Variants in TMEM144 observed in about 807,000 individuals in gnomAD.
The protein encoded by TMEM144 is transmembrane protein 144.
In TMEM144, 39 loss-of-function variants were observed where a neutral mutation model predicts 43.6. That is an observed-to-expected ratio of 0.90 (90% CI 0.69 to 1.17). The LOEUF (loss-of-function observed/expected upper bound fraction) is 1.17. Ranked by LOEUF, TMEM144 falls within the 50% of genes most tolerant of loss-of-function variation. The pLI is 0.00. For synonymous variants in TMEM144, 154 were observed against 133.6 expected, an observed-to-expected ratio of 1.15 and a Z score of -1.06; for missense variants, 417 against 411.9, an observed-to-expected ratio of 1.01 and a Z score of -0.11.
intron 12 of TMEM144, among the ~76,000 whole-genome samples, chr4:158,244,882 C>A (rs1321797053): frequency 4.6e-5 from 7 of 152,128 alleles, no homozygotes; most frequent in Non-Finnish European, 8.8e-5. Flanking sequence ...TCTCTCTCCA[C>A]CCCATCTCCA....
chr4:158,235,362 C>A, intron 7 of TMEM144, 76 bp from the exon 8 acceptor site: 1 of 1,459,168 alleles, frequency 6.9e-7, no homozygotes, highest in Non-Finnish European at 9.5e-7. Flanking sequence ...AAGAGAAAAG[C>A]ACTAGAAATA....
intron 3 of TMEM144, among the ~76,000 whole-genome samples, chr4:158,214,210 A>G (rs536532441): frequency 1.3e-5 from 2 of 152,082 alleles, no homozygotes; most frequent in Admixed American, 6.5e-5. Context: ...CTAATTTCTT[A>G]TATTTATGGT....
At chr4:158,229,100 A>C (rs1295361678) in intron 6 of TMEM144, among the ~76,000 whole-genome samples, 3 of 152,180 alleles carry the variant, frequency 2.0e-5, no homozygotes, top group Admixed American at 6.5e-5. Flanking sequence ...GGCTTAGGTC[A>C]GGCAAGCCCA....
rs372137002 is a variant in TMEM144, at chr4:158,219,397, A to T, written c.413+7A>T. On this transcript the variant is annotated splice_region_variant and intron_variant, in intron 6 of 12. Coordinates refer to ENST00000296529, the MANE Select transcript of TMEM144 (RefSeq NM_018342.5). Reference sequence around the variant, plus strand: ...CTGGGCTATCAGTAGTAAGGTACACAGTCATTTCTAGTGATTTTGCTGTTC... The same window carrying T: ...CTGGGCTATCAGTAGTAAGGTACACTGTCATTTCTAGTGATTTTGCTGTTC... The T allele has an allele frequency of 5.6e-6, 9 of 1,611,064 alleles. No homozygotes were observed. In the African/African-American group the frequency reaches 1.1e-4, roughly 19 times the overall value.
intron 6 of TMEM144, among the ~76,000 whole-genome samples, chr4:158,228,594 C>T (rs560172625): frequency 1.1e-4 from 17 of 152,170 alleles, no homozygotes; most frequent in Admixed American, 2.0e-4. Context: ...GGCATCCCAC[C>T]GGGGCAAATG....
chr4:158,212,320 C>T (rs1259294535), intron 2 of TMEM144: 6 of 168,126 alleles, frequency 3.6e-5, no homozygotes, highest in South Asian at 1.9e-4. Context: ...CAGCGTTATC[C>T]GCTAAAACTT....
chr4:158,246,455 T>A (rs1228053527), intron 12 of TMEM144, among the ~76,000 whole-genome samples: 1 of 152,222 alleles, frequency 6.6e-6, no homozygotes, highest in African/African-American at 2.4e-5. Context: ...AATATTTTGA[T>A]TTAAAATCCA....
chr4:158,238,418 T>C (rs1052786814), intron 9 of TMEM144, among the ~76,000 whole-genome samples: 3 of 152,236 alleles, frequency 2.0e-5, no homozygotes, highest in African/African-American at 7.2e-5. Context: ...ACTGAGTAGA[T>C]GCCATAATTT....
At chr4:158,235,645 G>T in intron 8 of TMEM144, 140 bp downstream of exon 8, 1 of 810,262 alleles carries the variant, frequency 1.2e-6, no homozygotes, top group Non-Finnish European at 1.8e-6. Context: ...CATGCGGCGA[G>T]GTTTTTTTGT....
intron 6 of TMEM144, among the ~76,000 whole-genome samples, chr4:158,228,231 T>G (rs1017384333): frequency 6.6e-6 from 1 of 151,304 alleles, no homozygotes; most frequent in Non-Finnish European, 1.5e-5. Flanking sequence ...AGACCAGTCC[T>G]GTCAAGTAAT....
chr4:158,213,684 A>G (rs1472234960), intron 3 of TMEM144: 1 of 152,202 alleles, frequency 6.6e-6, no homozygotes, highest in African/African-American at 2.4e-5. Flanking sequence ...GAAGGAATTG[A>G]GATTTATGGT....
At chr4:158,252,990 T>C (rs540047733) in intron 12 of TMEM144, among the ~76,000 whole-genome samples, 1 of 152,158 alleles carries the variant, frequency 6.6e-6, no homozygotes, top group South Asian at 2.1e-4. Flanking sequence ...GCACATAAAA[T>C]TCCTTCTACC....
chr4:158,247,919 A>G (rs1735973481), intron 12 of TMEM144, among the ~76,000 whole-genome samples: 1 of 150,228 alleles, frequency 6.7e-6, no homozygotes, highest in Admixed American at 6.6e-5. Flanking sequence ...ATGTAAAAAT[A>G]GGCAAAAAAA....
intron 6 of TMEM144, among the ~76,000 whole-genome samples, chr4:158,231,432 G>A (rs1220662628): frequency 3.3e-5 from 5 of 152,104 alleles, no homozygotes; most frequent in African/African-American, 4.8e-5. Flanking sequence ...GCCGTAATTT[G>A]GGGTATCATT....
At chr4:158,213,510 C>A (rs962645049) in intron 3 of TMEM144, 1 of 152,200 alleles carries the variant, frequency 6.6e-6, no homozygotes, top group African/African-American at 2.4e-5. Context: ...CTCCTAGCCC[C>A]ATTTTCCCAT....
rs1238434947 is a variant in TMEM144 at position 158,253,549 on chromosome 4, GC to G, written c.*23del. On this transcript the variant is annotated 3_prime_UTR_variant, in exon 13 of 13. Coordinates refer to ENST00000296529, the MANE Select transcript of TMEM144 (RefSeq NM_018342.5). ...CTAACAATGACAAAACCAGCAGGTG[GC>G]AGCAGTAGTTAAGAGAACGCGTCTA... 1 of 1,597,658 alleles carries G rather than the reference GC, an allele frequency of 6.3e-7. No individual in the cohort carries two copies. Among genetic ancestry groups the G allele is most frequent in the Admixed American group, 1.7e-5 (1 of 59,728 alleles).
At chr4:158,243,630 CT>C (rs34593034) in intron 11 of TMEM144, among the ~76,000 whole-genome samples, 16 of 152,100 alleles carry the variant, frequency 1.1e-4, no homozygotes, top group Non-Finnish European at 1.8e-4. Context: ...AGAACCATTC[CT>C]TTTTTTCACC....
At position 158,241,538 on chromosome 4, in the gene TMEM144, G is replaced by C. The variant is rs1286835325; in HGVS notation, c.832G>C (p.Ala278Pro). 4 of 1,613,992 alleles carry C rather than the reference G, an allele frequency of 2.5e-6. No homozygotes were observed. Residue 278 changes from alanine to proline, a missense_variant, in exon 11 of 13, where the codon GCT becomes CCT. Coordinates refer to ENST00000296529, the MANE Select transcript of TMEM144 (RefSeq NM_018342.5). ...GFLSGVLWAIATCCWFIANHS... is the reference protein window; with the variant it reads ...GFLSGVLWAIPTCCWFIANHS... ...CCTGTCAGGAGTACTTTGGGCTATAGCTACCTGCTGTTGGTTCATAGCAAA... is the reference window on the plus strand; with the variant it reads ...CCTGTCAGGAGTACTTTGGGCTATACCTACCTGCTGTTGGTTCATAGCAAA...
At chr4:158,244,573 A>G (rs1189750814) in intron 12 of TMEM144, among the ~76,000 whole-genome samples, 1 of 152,142 alleles carries the variant, frequency 6.6e-6, no homozygotes, top group African/African-American at 2.4e-5. Flanking sequence ...TGGGAGGCTG[A>G]GGCAGAGAAT....
Sources: gnomAD v4.1 joint callset for allele counts (sites outside exome capture counted in the v4.1 genomes callset) on GRCh38, gnomAD v4.1.1 for gene constraint, MANE v1.5 for transcripts, NCBI Gene and HGNC (gene_info 2026-07-23, HGNC 2026-07-21) for gene names.